Variants in HPCAL1 observed in about 807,000 individuals in gnomAD.
The protein encoded by HPCAL1 is hippocalcin like 1.
In HPCAL1, 8 loss-of-function variants were observed where a neutral mutation model predicts 17.1. The ratio of observed to expected loss-of-function variants is 0.47; its 90% CI spans 0.27 to 0.84. The LOEUF is 0.84. HPCAL1 is among the 40% of genes least tolerant of loss of function. The pLI, the probability that HPCAL1 is intolerant of heterozygous loss-of-function variation, is 0.13. For missense variants in HPCAL1, 165 were observed against 271.1 expected, an observed-to-expected ratio of 0.61 and a Z score of 2.75; for synonymous variants, 112 against 111.4, an observed-to-expected ratio of 1.01 and a Z score of -0.03.
At chr2:10,400,113 T>C (rs4668682) in intron 2 of HPCAL1, among the ~76,000 whole-genome samples, 96,925 of 152,028 alleles carry the variant, frequency 0.64, 31,098 homozygotes, top group South Asian at 0.71. Flanking sequence ...CTGCAGGAGG[T>C]CAGGGACGGG....
intron 1 of HPCAL1, among the ~76,000 whole-genome samples, chr2:10,311,088 T>A (rs1662932612): frequency 6.6e-6 from 1 of 152,140 alleles, no homozygotes; most frequent in South Asian, 2.1e-4. Flanking sequence ...GAGTGTGGGA[T>A]GTAGGAGGTC....
At chr2:10,353,917 G>A (rs187601432) in intron 1 of HPCAL1, among the ~76,000 whole-genome samples, 15 of 152,284 alleles carry the variant, frequency 9.9e-5, no homozygotes, top group Admixed American at 3.9e-4. Flanking sequence ...CATTGTGTCC[G>A]GCTGCCCTCA....
rs1464070537 is a variant in HPCAL1, at chr2:10,343,442, T to C, written c.-111+40265T>C. Reference sequence around the variant, plus strand: ...CCCGGGTGGGAGGTGGGTGTTTGCATAGGCAGGCAGGTGAGCCAGCCTAGT... The same window carrying C: ...CCCGGGTGGGAGGTGGGTGTTTGCACAGGCAGGCAGGTGAGCCAGCCTAGT... On this transcript the variant is annotated intron_variant, in intron 1 of 4. Coordinates refer to ENST00000307845, the MANE Select transcript of HPCAL1 (RefSeq NM_002149.4). This position sits in a 1 kb window ranked among gnomAD's most constrained non-coding sequence, Gnocchi z 4.8. Among the ~76,000 whole-genome samples the C allele has an allele frequency of 2.0e-5, 3 of 152,234 alleles. No individual in the cohort carries two copies. Among genetic ancestry groups the C allele is most frequent in the South Asian group, 2.1e-4 (1 of 4,836 alleles).
intron 1 of HPCAL1, among the ~76,000 whole-genome samples, chr2:10,313,903 C>T (rs1989368): frequency 0.24 from 36,074 of 152,042 alleles, 5,200 homozygotes; most frequent in East Asian, 0.34. Context: ...GAGGCTGAGG[C>T]GGGCAAATTA....
intron 1 of HPCAL1, among the ~76,000 whole-genome samples, chr2:10,380,716 T>C: frequency 6.6e-6 from 1 of 151,588 alleles, no homozygotes; most frequent in African/African-American, 2.4e-5. Context: ...TGTCACCTCC[T>C]CTGGGAAGCC....
At chr2:10,366,395 C>T (rs1431163026) in intron 1 of HPCAL1, among the ~76,000 whole-genome samples, 2 of 152,100 alleles carry the variant, frequency 1.3e-5, no homozygotes, top group Non-Finnish European at 2.9e-5. Context: ...GCCACCACAC[C>T]CAGCTAATTT....
intron 1 of HPCAL1, among the ~76,000 whole-genome samples, chr2:10,375,678 T>C (rs1288794145): frequency 6.6e-6 from 1 of 152,208 alleles, no homozygotes; most frequent in Admixed American, 6.5e-5. Context: ...CAGACTTTAG[T>C]TCCCTCACTG....
rs1008348907 is a variant in HPCAL1 at position 10,384,925 on chromosome 2, T to C, written c.-110-11910T>C. Among the ~76,000 whole-genome samples, 1 of 151,952 alleles carries C rather than the reference T, an allele frequency of 6.6e-6. No individual in the cohort carries two copies. Among genetic ancestry groups the C allele is most frequent in the Non-Finnish European group, 1.5e-5 (1 of 67,990 alleles). ...TCACAAGGTCAAGAGATGGAGACCA[T>C]CCTGGCCAACATGGTGAAACCCCGT... is the stretch of plus-strand genomic sequence containing the variant. On this transcript the variant is annotated intron_variant, in intron 1 of 4. Coordinates refer to ENST00000307845, the MANE Select transcript of HPCAL1 (RefSeq NM_002149.4). This position sits in a 1 kb window ranked among gnomAD's most constrained non-coding sequence, Gnocchi z 4.4.
At chr2:10,404,704 C>T (rs1405902725) in intron 2 of HPCAL1, among the ~76,000 whole-genome samples, 1 of 152,246 alleles carries the variant, frequency 6.6e-6, no homozygotes, top group African/African-American at 2.4e-5. Flanking sequence ...CCTGCTGTGG[C>T]ATGACTGGGC....
chr2:10,390,993 AG>A (rs1227835208), intron 1 of HPCAL1, among the ~76,000 whole-genome samples: 8 of 152,302 alleles, frequency 5.3e-5, no homozygotes, highest in African/African-American at 1.9e-4. Context: ...ACCTTCTTGA[AG>A]GCAGAGAGAT....
Position 10,323,103 on chromosome 2 carries a change from C to T in HPCAL1, c.-111+19926C>T, listed in dbSNP as rs1289977087. 6.6e-6 allele frequency among the ~76,000 whole-genome samples: 1 copy of T among 152,168 alleles called. No homozygotes were observed. The highest frequency in any genetic ancestry group is 1.9e-4 in the East Asian group (1 of 5,186). On this transcript the variant is annotated intron_variant, in intron 1 of 4. Transcript: ENST00000307845. The surrounding 1 kb of genome is among the most constrained non-coding windows in gnomAD (Gnocchi z 4.6). Reference sequence around the variant, plus strand: ...GACCCTGAGGTCCACCATGACTGTGCTGCAGCCACCACCACTGGCCGCTTC... The same window carrying T: ...GACCCTGAGGTCCACCATGACTGTGTTGCAGCCACCACCACTGGCCGCTTC...
At chr2:10,349,980 T>G (rs1665739285) in intron 1 of HPCAL1, among the ~76,000 whole-genome samples, 1 of 152,138 alleles carries the variant, frequency 6.6e-6, no homozygotes. Flanking sequence ...CGATTTCATA[T>G]ACCACTGATA....
intron 2 of HPCAL1, among the ~76,000 whole-genome samples, chr2:10,418,804 T>G (rs940895734): frequency 1.3e-5 from 2 of 152,186 alleles, no homozygotes; most frequent in Non-Finnish European, 2.9e-5. Context: ...GCAGAGCAGT[T>G]CCTCGTTCCC....
At chr2:10,425,552 G>A (rs1482807383) in intron 4 of HPCAL1, 1 of 152,316 alleles carries the variant, frequency 6.6e-6, no homozygotes, top group East Asian at 1.9e-4. Context: ...CTCCGTCCTG[G>A]TGCTGGTCTG....
chr2:10,425,296 T>G (rs3771118), intron 4 of HPCAL1: 46,215 of 152,426 alleles, frequency 0.3, 7,542 homozygotes, highest in East Asian at 0.62. Flanking sequence ...TTGGCAGAGG[T>G]TCCTGGGGAC....
intron 1 of HPCAL1, among the ~76,000 whole-genome samples, chr2:10,352,692 C>T (rs184371095): frequency 6.6e-6 from 1 of 152,174 alleles, no homozygotes; most frequent in Non-Finnish European, 1.5e-5. Context: ...GCTACAGTAG[C>T]CAGCTCAGGC....
chr2:10,389,013 G>A (rs983174154), intron 1 of HPCAL1, among the ~76,000 whole-genome samples: 1 of 152,086 alleles, frequency 6.6e-6, no homozygotes, highest in East Asian at 1.9e-4. Context: ...CGTAGGAGGC[G>A]GGACTCGACT....
intron 1 of HPCAL1, among the ~76,000 whole-genome samples, chr2:10,346,216 G>C (rs1665436408): frequency 6.6e-6 from 1 of 152,182 alleles, no homozygotes; most frequent in African/African-American, 2.4e-5. Context: ...GGGGGTGACG[G>C]GGAGAAAGTT....
chr2:10,372,342 C>T (rs535664955), intron 1 of HPCAL1, among the ~76,000 whole-genome samples: 1 of 152,322 alleles, frequency 6.6e-6, no homozygotes, highest in South Asian at 2.1e-4. Flanking sequence ...AGCACCCACT[C>T]CATGCCTTCT....
Sources: allele counts gnomAD v4.1 joint callset (sites outside exome capture counted in the v4.1 genomes callset), GRCh38; gene constraint gnomAD v4.1.1; non-coding constraint Gnocchi (gnomAD v3.1); transcripts MANE v1.5; gene names NCBI Gene and HGNC (gene_info 2026-07-23, HGNC 2026-07-21).